Variants in SLC2A1 observed in about 807,000 individuals in gnomAD.
SLC2A1 encodes the protein solute carrier family 2, facilitated glucose transporter member 1.
Under a neutral mutation model 46.6 loss-of-function variants are expected in SLC2A1, and 4 were observed. The ratio of observed to expected loss-of-function variants is 0.09; its 90% CI spans 0.04 to 0.20. The LOEUF is 0.20. Ranked by LOEUF, SLC2A1 falls within the 10% of genes least tolerant of loss-of-function variation. The pLI, the probability that SLC2A1 is intolerant of heterozygous loss-of-function variation, is 1.00. For synonymous variants in SLC2A1, 253 were observed against 270.0 expected, an observed-to-expected ratio of 0.94 and a Z score of 0.62; for missense variants, 352 against 667.0, an observed-to-expected ratio of 0.53 and a Z score of 5.20.
chr1:42,952,948 T>C (rs1425704390), intron 1 of SLC2A1, among the ~76,000 whole-genome samples: 1 of 152,180 alleles, frequency 6.6e-6, no homozygotes, highest in East Asian at 1.9e-4. Context: ...CCCTGGAGCC[T>C]CAGTGCCGCT....
chr1:42,953,383 C>T (rs577674832), intron 1 of SLC2A1, among the ~76,000 whole-genome samples: 63 of 152,372 alleles, frequency 4.1e-4, no homozygotes, highest in African/African-American at 1.5e-3. Context: ...TCCAGTCCAC[C>T]CCTCCCGTGG....
Position 42,926,552 on chromosome 1 carries a change from A to C in SLC2A1, c.*489T>G. 2.6e-6 allele frequency: 1 copy of C among 390,012 alleles called. No homozygotes were observed. Among genetic ancestry groups the C allele is most frequent in the Non-Finnish European group, 4.6e-6 (1 of 217,062 alleles). The allele number at this position is 390,012 out of a possible 1,614,324, so 24.2% of individuals were successfully genotyped here. ...CAAATCCTAATGGAGCCTGACCCCTAGAGTGGGGAGATCCAGGCCAGCAGA... is the reference window on the plus strand; with the variant it reads ...CAAATCCTAATGGAGCCTGACCCCTCGAGTGGGGAGATCCAGGCCAGCAGA... On this transcript the variant is annotated 3_prime_UTR_variant, in exon 10 of 10. Transcript: ENST00000426263.
intron 1 of SLC2A1, among the ~76,000 whole-genome samples, chr1:42,953,492 C>G (rs542944600): frequency 6.6e-6 from 1 of 152,326 alleles, no homozygotes; most frequent in South Asian, 2.1e-4. Flanking sequence ...AGGAGGCCTC[C>G]CAGCCTCCGC....
rs144831524 is a variant in SLC2A1, at chr1:42,929,228, C to T, written c.954G>A (p.Thr318=). The T allele has an allele frequency of 4.5e-5, 72 of 1,614,026 alleles. No individual in the cohort carries two copies. The highest frequency in any genetic ancestry group is 2.6e-4 in the South Asian group (24 of 91,068). Residue 318 remains threonine (T), a synonymous_variant, in exon 7 of 10, where the codon ACG becomes ACA. Coordinates refer to ENST00000426263, the MANE Select transcript of SLC2A1 (RefSeq NM_006516.4). This position sits in a 1 kb window ranked among gnomAD's most constrained non-coding sequence, Gnocchi z 6.0. ...YATIGSGIVN[T]AFTVVSLFVV... ...GACTCACCGACACGACAGTGAAGGC[C>T]GTGTTGACGATACCGGAGCCAATGG...
intron 2 of SLC2A1, among the ~76,000 whole-genome samples, chr1:42,940,095 C>T (rs1028103363): frequency 2.0e-5 from 3 of 152,102 alleles, no homozygotes; most frequent in Non-Finnish European, 2.9e-5. Context: ...TTCCTTCCAA[C>T]ATGTTTAAAA....
At chr1:42,949,437 C>T (rs1344431167) in intron 1 of SLC2A1, among the ~76,000 whole-genome samples, 4 of 152,222 alleles carry the variant, frequency 2.6e-5, no homozygotes, top group Non-Finnish European at 5.9e-5. Flanking sequence ...ATTCTACCCT[C>T]TGACCGGTTC....
In SLC2A1 at chr1:42,929,962, G is replaced by A. The variant is rs1381362306; in HGVS notation, c.590C>T (p.Ala197Val). The A allele has an allele frequency of 1.2e-6, 2 of 1,614,080 alleles. No homozygotes were observed. The highest frequency in any genetic ancestry group is 1.3e-5 in the African/African-American group (1 of 74,932). The change falls in exon 5 of 10, where the codon GCC (alanine) becomes GTC (valine). Residue 197 changes from alanine to valine, a missense_variant. This residue lies in a region of SLC2A1 where 167 missense variants were observed against 280.8 expected (regional missense o/e 0.59). Transcript: ENST00000426263. This position sits in a 1 kb window ranked among gnomAD's most constrained non-coding sequence, Gnocchi z 6.0. ...PLLLSIIFIPALLQCIVLPFC... is the reference protein window; with the variant it reads ...PLLLSIIFIPVLLQCIVLPFC... ...GGGCAGCACGATGCACTGCAGCAGG[G>A]CCGGGATGAAGATGATGCTCAGCAG...
Position 42,930,161 on chromosome 1 carries a change from T to A in SLC2A1, c.517-126A>T. 9.7e-7 allele frequency: 1 copy of A among 1,033,736 alleles called. No individual in the cohort carries two copies. The highest frequency in any genetic ancestry group is 1.5e-6 in the Non-Finnish European group (1 of 678,704). 64.0% of individuals were successfully genotyped at this position (1,033,736 alleles called of 1,614,324 possible). A position where few individuals can be genotyped will look rare whatever the true frequency, so the allele number is the denominator to read the frequency against. On this transcript the variant is annotated intron_variant, in intron 4 of 9. Transcript: ENST00000426263. This position sits in a 1 kb window ranked among gnomAD's most constrained non-coding sequence, Gnocchi z 6.2. ...GGAAGGGCCCCAGTTCTAGAGGCTC[T>A]GCCACTAGCATGAGCCCTGTTTCTC...
At chr1:42,933,827 C>T (rs1312840370) in intron 2 of SLC2A1, among the ~76,000 whole-genome samples, 1 of 152,110 alleles carries the variant, frequency 6.6e-6, no homozygotes, top group African/African-American at 2.4e-5. Context: ...AGCAACCAGA[C>T]CTACAAGCAG....
At position 42,942,779 on chromosome 1, in the gene SLC2A1, G is replaced by A. The variant is rs373053793; in HGVS notation, c.114+447C>T. ...TTGGGCGGGTTTCCTCTCTCTGGCC[G>A]TTTCCCACACCTGCAGGCTGGGAGT... On this transcript the variant is annotated intron_variant, in intron 2 of 9. Transcript: ENST00000426263. Among the ~76,000 whole-genome samples the A allele has an allele frequency of 1.3e-3, 196 of 152,078 alleles. 6 individuals are homozygous for A. The South Asian group carries it at 0.039, about 30-fold the overall frequency.
chr1:42,940,518 G>A (rs1643586840), intron 2 of SLC2A1, among the ~76,000 whole-genome samples: 1 of 152,170 alleles, frequency 6.6e-6, no homozygotes, highest in African/African-American at 2.4e-5. Context: ...ATCCTCTCCT[G>A]GTTTTAGAGA....
At position 42,954,557 on chromosome 1, in the gene SLC2A1, C is replaced by T. The variant is rs1156515409; in HGVS notation, c.18+4077G>A. Among the ~76,000 whole-genome samples, 2 of 152,118 alleles carry T rather than the reference C, an allele frequency of 1.3e-5. No homozygotes were observed. Among genetic ancestry groups the T allele is most frequent in the Non-Finnish European group, 2.9e-5 (2 of 68,016 alleles). ...CAAAACAAAACACAGCTCCATAGAA[C>T]GCCTCAAATCTTTTGTGATAGCCTT... On this transcript the variant is annotated intron_variant, in intron 1 of 9. Transcript: ENST00000426263. The surrounding 1 kb of genome is among the most constrained non-coding windows in gnomAD (Gnocchi z 4.2).
intron 2 of SLC2A1, among the ~76,000 whole-genome samples, chr1:42,934,637 G>A (rs1405233516): frequency 6.6e-6 from 1 of 152,146 alleles, no homozygotes; most frequent in African/African-American, 2.4e-5. Flanking sequence ...CAGGAAAGAA[G>A]AGTCTACTTA....
chr1:42,948,908 C>CA (rs963788989), intron 1 of SLC2A1, among the ~76,000 whole-genome samples: 29 of 148,648 alleles, frequency 2.0e-4, no homozygotes, highest in South Asian at 4.3e-4. Flanking sequence ...ACTAAAAATA[C>CA]AAAAAAAAAA....
At chr1:42,934,658 A>C (rs1643524196) in intron 2 of SLC2A1, among the ~76,000 whole-genome samples, 1 of 152,082 alleles carries the variant, frequency 6.6e-6, no homozygotes, top group Admixed American at 6.5e-5. Context: ...TTATGCCCTG[A>C]CAGGATCCCA....
Position 42,958,796 on chromosome 1 carries a change from G to A in SLC2A1, c.-145C>T, listed in dbSNP as rs1301871517. The stretch of plus-strand genomic sequence containing the variant: ...TCCGACCCCCGTCGTTTGGTCTCCT[G>A]CTCCCTGGCGTGCTCACTCGGGGAC... On this transcript the variant is annotated 5_prime_UTR_variant, in exon 1 of 10. Coordinates refer to ENST00000426263, the MANE Select transcript of SLC2A1 (RefSeq NM_006516.4). 9.0e-5 allele frequency: 71 copies of A among 792,690 alleles called. No homozygotes were observed. The South Asian group carries it at 9.8e-4, about 11-fold the overall frequency. 49.1% of individuals were successfully genotyped at this position (792,690 alleles called of 1,614,324 possible).
intron 1 of SLC2A1, among the ~76,000 whole-genome samples, chr1:42,944,148 G>C (rs1643627408): frequency 6.6e-6 from 1 of 152,216 alleles, no homozygotes. Context: ...GAGTAAGAGT[G>C]TGGGGCTAAG....
chr1:42,953,234 T>C (rs575942997), intron 1 of SLC2A1, among the ~76,000 whole-genome samples: 2 of 152,354 alleles, frequency 1.3e-5, no homozygotes, highest in East Asian at 3.9e-4. Flanking sequence ...GGCAAGTCAG[T>C]GTGGTCACAA....
chr1:42,931,330 A>G, intron 2 of SLC2A1, 124 bp from the exon 3 acceptor site: 2 of 959,168 alleles, frequency 2.1e-6, no homozygotes, highest in South Asian at 3.4e-5. Flanking sequence ...GATTCACTGC[A>G]TGTTCTTGAG....
Sources: gnomAD v4.1 joint callset for allele counts (sites outside exome capture counted in the v4.1 genomes callset) on GRCh38, gnomAD v4.1.1 for gene constraint, gnomAD v4.1.1 regional missense constraint, Gnocchi (gnomAD v3.1) non-coding constraint, MANE v1.5 for transcripts, NCBI Gene and HGNC (gene_info 2026-07-23, HGNC 2026-07-21) for gene names.